Variants in KCNH3 observed in about 807,000 individuals in gnomAD.
The protein encoded by KCNH3 is voltage-gated inwardly rectifying potassium channel KCNH3.
Under a neutral mutation model 95.6 loss-of-function variants are expected in KCNH3, and 36 were observed. The observed-to-expected ratio is 0.38, with a 90% CI of 0.29 to 0.50. The LOEUF (loss-of-function observed/expected upper bound fraction) is 0.50, where lower values mean the gene tolerates loss of function less well. KCNH3 is among the 20% of genes least tolerant of loss of function. The pLI, the probability that KCNH3 is intolerant of heterozygous loss-of-function variation, is 0.95. For synonymous variants in KCNH3, 620 were observed against 646.3 expected (o/e 0.96, Z 0.62); for missense variants, 1,030 against 1,484.1 (o/e 0.69, Z 5.03).
rs144378067 is a variant in KCNH3 at position 49,544,033 on chromosome 12, G to A, written c.942G>A (p.Ala314=). 3.7e-4 allele frequency: 599 copies of A among 1,613,720 alleles called. 1 individual carries two copies. The African/African-American group carries it at 6.4e-3, about 17-fold the overall frequency. Residue 314 remains alanine (A), a synonymous_variant, in exon 6 of 15, where the codon GCG becomes GCA. Transcript: ENST00000257981. The part of the protein sequence containing the change: ...TTWFLLDVIA[A]LPFDLLHAFK... Reference sequence around the variant, plus strand: ...GGTTCCTGCTGGATGTCATCGCAGCGCTGCCCTTTGACCTGCTACATGCCT... The same window carrying A: ...GGTTCCTGCTGGATGTCATCGCAGCACTGCCCTTTGACCTGCTACATGCCT...
At position 49,557,951 on chromosome 12, in the gene KCNH3, T is replaced by C; in HGVS notation, c.3250T>C (p.Ter1084ArgextTer52). ...QWTQEEGTGV[*>R] ...GACCCAGGAAGAAGGCACAGGGGTCTGAGTACCAGCCCTAGAACTCAGCGT... is the reference window on the plus strand; with the variant it reads ...GACCCAGGAAGAAGGCACAGGGGTCCGAGTACCAGCCCTAGAACTCAGCGT... The change falls in exon 15 of 15, where the codon TGA (stop) becomes CGA (arginine). Residue 1084 changes from the stop codon to arginine (R), a stop_lost. Transcript: ENST00000257981. 1 of 1,502,440 alleles carries C rather than the reference T, an allele frequency of 6.7e-7. No individual in the cohort carries two copies. Among genetic ancestry groups the C allele is most frequent in the Non-Finnish European group, 8.9e-7 (1 of 1,125,492 alleles). The allele number at this position is 1,502,440 out of a possible 1,614,324, so 93.1% of individuals were successfully genotyped here. A position where few individuals can be genotyped will look rare whatever the true frequency, so the allele number is the denominator to read the frequency against.
Position 49,548,095 on chromosome 12 carries a change from CGTGTGTGTGTGT to C in KCNH3, c.1190-772_1190-761del, listed in dbSNP as rs369626063. 1.3e-3 allele frequency among the ~76,000 whole-genome samples: 196 copies of C among 146,718 alleles called. 1 individual carries two copies. Among genetic ancestry groups the C allele is most frequent in the African/African-American group, 4.3e-3 (173 of 40,346 alleles). On this transcript the variant is annotated intron_variant, in intron 7 of 14. Transcript: ENST00000257981. The stretch of plus-strand genomic sequence containing the variant: ...CGTGGCCCGGTCTAGCCTGTGACTA[CGTGTGTGTGTGT>C]GTGTGTGTGTGTGTGTGTGTGTGTG...
intron 7 of KCNH3, among the ~76,000 whole-genome samples, chr12:49,548,663 G>A (rs1242794259): frequency 6.6e-6 from 1 of 152,198 alleles, no homozygotes; most frequent in East Asian, 1.9e-4. Context: ...CATGGGGGAA[G>A]GGGTGTGATT....
Position 49,551,574 on chromosome 12 carries a change from CAAAAAAA to C in KCNH3, c.1918+1263_1918+1269del, listed in dbSNP as rs59344956. Among the ~76,000 whole-genome samples the C allele has an allele frequency of 4.3e-4, 25 of 57,550 alleles. 2 individuals carry two copies. In the South Asian group the frequency reaches 9.6e-3, roughly 22 times the overall value. 37.8% of individuals were successfully genotyped at this position (57,550 alleles called of 152,430 possible). ...CTGGGCGATAAGCGAGACTCTGTCT[CAAAAAAA>C]AAAAAAAAAAAAAAAAAGAAAAGCC... On this transcript the variant is annotated intron_variant, in intron 10 of 14. Coordinates refer to ENST00000257981, the MANE Select transcript of KCNH3 (RefSeq NM_012284.3).
chr12:49,551,302 G>A (rs1246859607), intron 10 of KCNH3, among the ~76,000 whole-genome samples: 2 of 152,144 alleles, frequency 1.3e-5, no homozygotes, highest in Admixed American at 6.5e-5. Flanking sequence ...AGGACCGGGC[G>A]CGGTAGCTCA....
In KCNH3 at chr12:49,549,013, C is replaced by T. The variant is rs772147576; in HGVS notation, c.1308C>T (p.Asn436=). ...ACTGCAGCAGCAGCAGCGAGGCCAA[C>T]GGGACGGGGCTGGAGCTGCTGGGCG... is the stretch of plus-strand genomic sequence containing the variant. ...SDNCSSSSEA[N]GTGLELLGGP... Residue 436 remains asparagine (N), a synonymous_variant, in exon 8 of 15, where the codon AAC becomes AAT. Transcript: ENST00000257981. 2 of 1,611,604 alleles carry T rather than the reference C, an allele frequency of 1.2e-6. No homozygotes were observed. Among genetic ancestry groups the T allele is most frequent in the Admixed American group, 3.3e-5 (2 of 59,914 alleles).
Position 49,541,712 on chromosome 12 carries a change from G to T in KCNH3, c.393G>T (p.Lys131Asn). ...TGGCTCTCTTCCTAGTCTCTCACAA[G>T]GACATCAGCGAAACCAAGAACCGAG... is the stretch of plus-strand genomic sequence containing the variant. ...GEVALFLVSH[K>N]DISETKNRGG... is the part of the protein sequence containing the mutation. Residue 131 changes from lysine (K) to asparagine (N), a missense_variant, in exon 3 of 15, where the codon AAG becomes AAT. Around this residue, in one of 9 missense-constraint regions of KCNH3, gnomAD observed 63 missense variants for 107.7 expected, o/e 0.59. Transcript: ENST00000257981. The T allele has an allele frequency of 6.2e-7, 1 of 1,614,202 alleles. No individual in the cohort carries two copies. Among genetic ancestry groups the T allele is most frequent in the Non-Finnish European group, 8.5e-7 (1 of 1,180,030 alleles).
In KCNH3 at chr12:49,556,454, C is replaced by A. The variant is rs1001070740; in HGVS notation, c.2553C>A (p.Ser851Arg). 1.4e-5 allele frequency: 23 copies of A among 1,613,750 alleles called. No homozygotes were observed. In the African/African-American group the frequency reaches 3.1e-4, roughly 22 times the overall value. ...FRVGQSGPEC[S>R]SSPSPGPESG... The stretch of plus-strand genomic sequence containing the variant: ...TGGGCCAGTCTGGCCCGGAATGTAG[C>A]AGCAGCCCCTCCCCTGGACCAGGTA... The change falls in exon 13 of 15, where the codon AGC becomes AGA. Residue 851 changes from serine (S) to arginine (R), a missense_variant. By Grantham distance (110) the Ser-to-Arg change is moderately radical. This residue lies in a region of KCNH3 where 464 missense variants were observed against 493.2 expected (regional missense o/e 0.94). Transcript: ENST00000257981.
chr12:49,540,807 C>A, intron 1 of KCNH3, 92 bp from the exon 2 acceptor site: 3 of 1,032,824 alleles, frequency 2.9e-6, no homozygotes, highest in East Asian at 2.4e-5. Context: ...TTTGGAAAAC[C>A]CACTCTTTGG....
Position 49,539,396 on chromosome 12 carries a change from G to A in KCNH3, c.-21G>A. The A allele has an allele frequency of 2.6e-6, 4 of 1,524,760 alleles. No homozygotes were observed. Among genetic ancestry groups the A allele is most frequent in the Middle Eastern group, 2.0e-4 (1 of 5,072 alleles). 94.5% of individuals were successfully genotyped at this position (1,524,760 alleles called of 1,614,324 possible). A position where few individuals can be genotyped will look rare whatever the true frequency, so the allele number is the denominator to read the frequency against. On this transcript the variant is annotated 5_prime_UTR_variant, in exon 1 of 15. Transcript: ENST00000257981. The surrounding 1 kb of genome is among the most constrained non-coding windows in gnomAD (Gnocchi z 6.7). The stretch of plus-strand genomic sequence containing the variant: ...TCCCCGCACCCCGGAGGGATGGGGC[G>A]GGCAGCCGCGGGCGCCTAAGATGCC...
At position 49,555,572 on chromosome 12, in the gene KCNH3, C is replaced by T. The variant is rs1645891238; in HGVS notation, c.2137-48C>T. The T allele has an allele frequency of 3.1e-6, 4 of 1,280,522 alleles. No individual in the cohort carries two copies. The Admixed American group carries it at 9.5e-5, about 30-fold the overall frequency. The allele number at this position is 1,280,522 out of a possible 1,614,324, so 79.3% of individuals were successfully genotyped here. ...GCCTTGGTAGGGGAGGTGAGTGGGA[C>T]ACAATAGTGACCATCCATGCCGATT... On this transcript the variant is annotated intron_variant, in intron 11 of 14. Transcript: ENST00000257981.
chr12:49,543,163 C>A, intron 4 of KCNH3, 112 bp from the exon 5 acceptor site: 1 of 1,205,422 alleles, frequency 8.3e-7, no homozygotes, highest in Non-Finnish European at 1.2e-6. Context: ...GCAGATGCTG[C>A]TTCGATAATG....
At position 49,548,888 on chromosome 12, in the gene KCNH3, C is replaced by T. The variant is rs569168836; in HGVS notation, c.1190-7C>T. On this transcript the variant is annotated splice_polypyrimidine_tract_variant and splice_region_variant and intron_variant, in intron 7 of 14. Transcript: ENST00000257981. ...TGCCTGCTCAGGCCCTGCTGTTCCC[C>T]CCTCAGGCTGGCTGCAGGAGCTGGC... 84 of 1,560,102 alleles carry T rather than the reference C, an allele frequency of 5.4e-5. No homozygotes were observed. The East Asian group carries it at 1.4e-3, about 26-fold the overall frequency.
chr12:49,555,657 T>A lies in KCNH3; in HGVS notation c.2174T>A (p.Met725Lys), dbSNP rs746719909. The A allele has an allele frequency of 6.3e-7, 1 of 1,584,926 alleles. No homozygotes were observed. Among genetic ancestry groups the A allele is most frequent in the Non-Finnish European group, 8.6e-7 (1 of 1,163,132 alleles). The change falls in exon 12 of 15, where the codon ATG becomes AAG. Residue 725 changes from methionine to lysine, a missense_variant. Physicochemically the swap from Met to Lys is moderately conservative, Grantham distance 95 (BLOSUM62 -1). Transcript: ENST00000257981. ...TCCCTGAGCGGCGACAATACCCTTATGTCCACGCTGGAGGAGAAGGAGACA... is the reference window on the plus strand; with the variant it reads ...TCCCTGAGCGGCGACAATACCCTTAAGTCCACGCTGGAGGAGAAGGAGACA... ...TSSLSGDNTLMSTLEEKETDG... is the reference protein window; with the variant it reads ...TSSLSGDNTLKSTLEEKETDG...
At chr12:49,554,576 T>C (rs1441241429) in intron 11 of KCNH3, 22 bp downstream of exon 11, 1 of 1,588,840 alleles carries the variant, frequency 6.3e-7, no homozygotes, top group Non-Finnish European at 8.6e-7. Flanking sequence ...GAGTATGTGC[T>C]TGGAGGGGAT....
At position 49,543,448 on chromosome 12, in the gene KCNH3, A is replaced by G; in HGVS notation, c.753A>G (p.Ala251=). The change falls in exon 5 of 15, where the codon GCA becomes GCG. Residue 251 remains alanine, a synonymous_variant. Transcript: ENST00000257981. ...CCTACAGCGTGTGTGTGAGCACAGC[A>G]CGGGAGCCCAGTGCCGCCCGCGGCC... ...TVPYSVCVST[A]REPSAARGPP... 2 of 1,605,130 alleles carry G rather than the reference A, an allele frequency of 1.2e-6. No individual in the cohort carries two copies. The highest frequency in any genetic ancestry group is 1.7e-6 in the Non-Finnish European group (2 of 1,179,760).
In KCNH3 at chr12:49,548,902, G is replaced by A; in HGVS notation, c.1197G>A (p.Leu399=). 1 of 1,572,752 alleles carries A rather than the reference G, an allele frequency of 6.4e-7. No homozygotes were observed. The highest frequency in any genetic ancestry group is 8.6e-7 in the Non-Finnish European group (1 of 1,160,308). The change falls in exon 8 of 15, where the codon CTG becomes CTA. Residue 399 remains leucine, a synonymous_variant. Transcript: ENST00000257981. ...SESELPEIGW[L]QELARRLETP... ...CTGCTGTTCCCCCCTCAGGCTGGCTGCAGGAGCTGGCCCGCCGACTGGAGA... is the reference window on the plus strand; with the variant it reads ...CTGCTGTTCCCCCCTCAGGCTGGCTACAGGAGCTGGCCCGCCGACTGGAGA...
chr12:49,550,043 T>TAA, intron 9 of KCNH3, 37 bp from the exon 10 acceptor site: 2 of 1,299,542 alleles, frequency 1.5e-6, no homozygotes, highest in East Asian at 2.5e-5. Context: ...CTTCTGCCAC[T>TAA]CCCAACCCCC....
intron 11 of KCNH3, among the ~76,000 whole-genome samples, 182 bp from the exon 12 acceptor site, chr12:49,555,433 TAAGAC>T (rs1938403526): frequency 7.2e-6 from 1 of 138,580 alleles, no homozygotes; most frequent in Admixed American, 7.2e-5. Flanking sequence ...GGCGACAGAG[TAAGAC>T]TCTGTCTCAA....
Sources: gnomAD v4.1 joint callset for allele counts (sites outside exome capture counted in the v4.1 genomes callset) on GRCh38, gnomAD v4.1.1 for gene constraint, gnomAD v4.1.1 regional missense constraint, Gnocchi (gnomAD v3.1) non-coding constraint, MANE v1.5 for transcripts, NCBI Gene and HGNC (gene_info 2026-07-23, HGNC 2026-07-21) for gene names.